Variants in RTN4 observed in about 807,000 individuals in gnomAD.
RTN4 encodes the protein reticulon-4.
In RTN4, 32 loss-of-function variants were observed where a neutral mutation model predicts 90.4. The observed-to-expected ratio is 0.35, with a 90% confidence interval of 0.27 to 0.48. The LOEUF is 0.48. Among genes scored for constraint, RTN4 ranks in the 20% least tolerant of loss-of-function variants. The pLI, the probability that RTN4 is intolerant of heterozygous loss-of-function variation, is 0.99. For synonymous variants in RTN4, 629 were observed against 552.5 expected, an observed-to-expected ratio of 1.14 and a Z score of -1.94; for missense variants, 1,706 against 1,430.2, an observed-to-expected ratio of 1.19 and a Z score of -3.11.
chr2:55,110,754 C>T (rs767763222), intron 1 of RTN4, among the ~76,000 whole-genome samples: 15 of 152,108 alleles, frequency 9.9e-5, no homozygotes, highest in African/African-American at 2.2e-4. Flanking sequence ...AATATATCTA[C>T]GCCAGGCCAG....
chr2:55,016,234 A>G (rs1051346712), intron 3 of RTN4, among the ~76,000 whole-genome samples: 1 of 152,202 alleles, frequency 6.6e-6, no homozygotes, highest in Non-Finnish European at 1.5e-5. Flanking sequence ...AAAAGCTTAT[A>G]AACAATATAT....
intron 1 of RTN4, among the ~76,000 whole-genome samples, chr2:55,107,002 C>G (rs1227713780): frequency 6.6e-6 from 1 of 152,048 alleles, no homozygotes; most frequent in Non-Finnish European, 1.5e-5. Flanking sequence ...ATATTAAACT[C>G]TTAAATTAAG....
the RTN4 span, among the ~76,000 whole-genome samples, chr2:55,136,585 A>G: frequency 6.6e-6 from 1 of 152,214 alleles, no homozygotes; most frequent in Non-Finnish European, 1.5e-5. Context: ...CTTTCGCCTG[A>G]GGCGGCAAGA....
Position 55,106,692 on chromosome 2 carries a change from G to C in RTN4, c.-214+5828C>G, listed in dbSNP as rs532425475. 2.0e-5 allele frequency among the ~76,000 whole-genome samples: 3 copies of C among 151,920 alleles called. No homozygotes were observed. In the South Asian group the frequency reaches 6.2e-4, roughly 32 times the overall value. On this transcript the variant is annotated intron_variant, in intron 1 of 3. Coordinates refer to the RTN4 transcript ENST00000427710. ...GCACCACCATGCCCGGCTAATTTTT[G>C]TATTTTTAGTAGAGATGGGGTTTCA...
At chr2:55,015,573 C>CA (rs1680971647) in intron 3 of RTN4, among the ~76,000 whole-genome samples, 1 of 151,968 alleles carries the variant, frequency 6.6e-6, no homozygotes, top group South Asian at 2.1e-4. Context: ...TATGAACAAG[C>CA]AAAAATCACA....
chr2:55,007,491 GA>G (rs1680313598), intron 3 of RTN4, among the ~76,000 whole-genome samples: 1 of 152,056 alleles, frequency 6.6e-6, no homozygotes. Flanking sequence ...TAAAACCAGA[GA>G]ACCTCTCAAC....
chr2:55,105,222 T>C (rs922193645), intron 1 of RTN4, among the ~76,000 whole-genome samples: 56 of 150,856 alleles, frequency 3.7e-4, no homozygotes, highest in African/African-American at 1.3e-3. Context: ...TTTTTTGCTA[T>C]TGAAGTTTTT....
chr2:55,103,109 G>GAAA (rs34149411), intron 1 of RTN4, among the ~76,000 whole-genome samples: 4 of 110,514 alleles, frequency 3.6e-5, no homozygotes, highest in Non-Finnish European at 7.3e-5. Flanking sequence ...CAAAACTCCG[G>GAAA]AAAAAAAAAA....
chr2:54,977,260 A>G (rs1016309501), intron 5 of RTN4, among the ~76,000 whole-genome samples: 1 of 152,168 alleles, frequency 6.6e-6, no homozygotes, highest in African/African-American at 2.4e-5. Flanking sequence ...CTCTCTCTAT[A>G]TCCCCAGCCC....
chr2:55,055,986 TTG>T (rs35396348), intron 2 of RTN4, among the ~76,000 whole-genome samples: 131,911 of 147,996 alleles, frequency 0.89, 58,797 homozygotes, highest in Middle Eastern at 0.97. Flanking sequence ...ATATATGTGT[TTG>T]TGTGTGTGTG....
chr2:54,973,406 G>A, intron 8 of RTN4, 157 bp downstream of exon 8: 3 of 775,366 alleles, frequency 3.9e-6, no homozygotes, highest in Non-Finnish European at 6.4e-6. Flanking sequence ...GAAACGAATG[G>A]TCCAAATGTT....
chr2:55,059,221 ATAAGG>A (rs1469341154), intron 2 of RTN4, among the ~76,000 whole-genome samples: 2 of 152,186 alleles, frequency 1.3e-5, no homozygotes, highest in African/African-American at 4.8e-5. Flanking sequence ...CCACAGAAAA[ATAAGG>A]TATTTGTTGG....
intron 1 of RTN4, among the ~76,000 whole-genome samples, chr2:55,094,381 G>A (rs34656234): frequency 0.025 from 3,799 of 152,236 alleles, 72 homozygotes; most frequent in Non-Finnish European, 0.039. Context: ...TGTGACAGTC[G>A]CCAAGCTGAC....
chr2:55,094,958 C>G (rs1021894251), intron 1 of RTN4, among the ~76,000 whole-genome samples: 5 of 152,180 alleles, frequency 3.3e-5, no homozygotes, highest in Admixed American at 6.5e-5. Flanking sequence ...TGACCTCCTA[C>G]TCCACACAAG....
intron 1 of RTN4, among the ~76,000 whole-genome samples, chr2:55,083,637 T>C (rs1419368874): frequency 1.3e-5 from 2 of 152,152 alleles, no homozygotes; most frequent in Admixed American, 1.3e-4. Context: ...ACTTAAATAA[T>C]ACAAAATTAA....
At chr2:55,022,270 G>A (rs1464318494) in intron 3 of RTN4, among the ~76,000 whole-genome samples, 2 of 152,154 alleles carry the variant, frequency 1.3e-5, no homozygotes, top group Non-Finnish European at 2.9e-5. Context: ...TCATCACCAA[G>A]CTGCTCTGGG....
At position 55,010,144 on chromosome 2, in the gene RTN4, G is replaced by C. The variant is rs763512018; in HGVS notation, c.3013+14942C>G. The C allele has an allele frequency of 3.1e-6, 5 of 1,612,950 alleles. No individual in the cohort carries two copies. In the African/African-American group the frequency reaches 6.7e-5, roughly 22 times the overall value. On this transcript the variant is annotated intron_variant, in intron 3 of 8. Transcript: ENST00000337526. Reference sequence around the variant, plus strand: ...ATCTCTTGTCACGATCTGCTTTGCAGCTCCAATTATTAATTATGCATACCA... The same window carrying C: ...ATCTCTTGTCACGATCTGCTTTGCACCTCCAATTATTAATTATGCATACCA...
intron 3 of RTN4, among the ~76,000 whole-genome samples, chr2:55,021,352 T>C (rs1031902468): frequency 2.0e-5 from 3 of 151,294 alleles, no homozygotes; most frequent in Non-Finnish European, 4.4e-5. Flanking sequence ...GTAAGTTGCA[T>C]AAAGCGCAAA....
At chr2:55,049,315 C>T (rs1008712402) in intron 1 of RTN4, 2 of 282,024 alleles carry the variant, frequency 7.1e-6, no homozygotes, top group African/African-American at 4.5e-5. Flanking sequence ...AAGGAGCAAC[C>T]CAGACGGGTA....
Sources: allele counts gnomAD v4.1 joint callset (sites outside exome capture counted in the v4.1 genomes callset), GRCh38; gene constraint gnomAD v4.1.1; transcripts MANE v1.5; gene names NCBI Gene and HGNC (gene_info 2026-07-23, HGNC 2026-07-21).